ALPK1: variants seen among roughly 807,000 people sequenced by gnomAD.
ALPK1 encodes alpha kinase 1.
In ALPK1, 110 loss-of-function variants were observed where a neutral mutation model predicts 120.6. The observed-to-expected ratio is 0.91, with a 90% CI of 0.78 to 1.07. ALPK1 has a LOEUF of 1.07. Among genes scored for constraint, ALPK1 ranks in the 50% least tolerant of loss-of-function variants. The pLI is 0.00. For synonymous variants in ALPK1, 582 were observed against 560.3 expected, an observed-to-expected ratio of 1.04 and a Z score of -0.55; for missense variants, 1,498 against 1,483.9, an observed-to-expected ratio of 1.01 and a Z score of -0.16.
At chr4:112,438,420 C>T (rs1386809909) in intron 12 of ALPK1, 64 bp from the exon 13 acceptor site, 14 of 1,487,128 alleles carry the variant, frequency 9.4e-6, no homozygotes, top group Non-Finnish European at 1.2e-5. Context: ...GATCTCCTCT[C>T]TCTTACTCCA....
At chr4:112,380,101 C>T (rs557667940) in intron 3 of ALPK1, among the ~76,000 whole-genome samples, 1 of 152,298 alleles carries the variant, frequency 6.6e-6, no homozygotes, top group East Asian at 1.9e-4. Context: ...TAAACTGGGA[C>T]ACTTCTTCTG....
In ALPK1 at chr4:112,342,112, C is replaced by T. The variant is rs182735238; in HGVS notation, c.-101+26260C>T. 4.6e-3 allele frequency among the ~76,000 whole-genome samples: 698 copies of T among 152,272 alleles called. 5 individuals carry two copies. Among genetic ancestry groups the T allele is most frequent in the Non-Finnish European group, 6.3e-3 (428 of 68,020 alleles). On this transcript the variant is annotated intron_variant, in intron 2 of 15. Coordinates refer to ENST00000650871, the MANE Select transcript of ALPK1 (RefSeq NM_025144.4). Reference sequence around the variant, plus strand: ...ATAAGAATTCCTGTGTGAAAATGTACTTTAAAAATAGCACTATGAGCATTT... The same window carrying T: ...ATAAGAATTCCTGTGTGAAAATGTATTTTAAAAATAGCACTATGAGCATTT...
At chr4:112,357,784 C>A (rs1730710314) in intron 2 of ALPK1, 2 of 1,043,716 alleles carry the variant, frequency 1.9e-6, no homozygotes, top group South Asian at 1.3e-5. Context: ...GCCCTATGGG[C>A]TCCTGATCTT....
At chr4:112,298,437 C>T (rs1353468792) in intron 1 of ALPK1, among the ~76,000 whole-genome samples, 1 of 152,098 alleles carries the variant, frequency 6.6e-6, no homozygotes, top group Non-Finnish European at 1.5e-5. Flanking sequence ...ATTTACTTCT[C>T]TCTTCCCACC....
intron 6 of ALPK1, chr4:112,424,983 C>G (rs1352094798): frequency 2.0e-5 from 3 of 151,324 alleles, no homozygotes; most frequent in Admixed American, 2.0e-4. Context: ...ACAAAAAGCC[C>G]TTTCATCCAC....
chr4:112,320,336 T>C (rs1728813740), intron 2 of ALPK1, among the ~76,000 whole-genome samples: 1 of 152,236 alleles, frequency 6.6e-6, no homozygotes, highest in Admixed American at 6.5e-5. Context: ...GTTTATGTGG[T>C]GTATCACATT....
intron 2 of ALPK1, among the ~76,000 whole-genome samples, chr4:112,319,212 T>C (rs144602080): frequency 6.6e-6 from 1 of 152,182 alleles, no homozygotes; most frequent in African/African-American, 2.4e-5. Context: ...ACCATACTTA[T>C]GAGGTGAGGT....
intron 2 of ALPK1, among the ~76,000 whole-genome samples, chr4:112,341,528 T>C (rs1729862662): frequency 6.6e-6 from 1 of 152,244 alleles, no homozygotes; most frequent in South Asian, 2.1e-4. Flanking sequence ...CCATCTTTGA[T>C]CTAAAAATAT....
At chr4:112,412,745 T>A (rs1733545637) in intron 5 of ALPK1, among the ~76,000 whole-genome samples, 1 of 152,214 alleles carries the variant, frequency 6.6e-6, no homozygotes, top group East Asian at 1.9e-4. Context: ...AAGTAAAGGA[T>A]GAAAAGAGAA....
intron 5 of ALPK1, among the ~76,000 whole-genome samples, chr4:112,420,957 C>T (rs905429885): frequency 3.3e-5 from 5 of 152,024 alleles, no homozygotes; most frequent in Non-Finnish European, 5.9e-5. Flanking sequence ...CTCAGCCTCC[C>T]GAGTAGCTGA....
chr4:112,437,498 C>T (rs1734837400), intron 12 of ALPK1, among the ~76,000 whole-genome samples: 1 of 152,224 alleles, frequency 6.6e-6, no homozygotes, highest in African/African-American at 2.4e-5. Flanking sequence ...CAGGTTCACT[C>T]TCTTGTGCAC....
intron 2 of ALPK1, among the ~76,000 whole-genome samples, chr4:112,360,356 G>A (rs537935914): frequency 2.0e-5 from 3 of 152,010 alleles, no homozygotes; most frequent in East Asian, 1.9e-4. Flanking sequence ...GTTCCATATC[G>A]TGGCTATTGT....
chr4:112,346,911 T>A (rs986221053), intron 2 of ALPK1, among the ~76,000 whole-genome samples: 3 of 152,348 alleles, frequency 2.0e-5, no homozygotes, highest in African/African-American at 7.2e-5. Context: ...CACTTCTCAG[T>A]TGACTACACT....
chr4:112,351,666 G>A (rs1376932404), intron 2 of ALPK1, among the ~76,000 whole-genome samples: 1 of 152,040 alleles, frequency 6.6e-6, no homozygotes, highest in Non-Finnish European at 1.5e-5. Context: ...TAGAGATGGG[G>A]ATTTGCCATG....
Position 112,431,849 on chromosome 4 carries a change from G to T in ALPK1, c.2302G>T (p.Glu768Ter), listed in dbSNP as rs774768880. The T allele has an allele frequency of 2.5e-6, 4 of 1,614,042 alleles. No individual in the cohort carries two copies. The highest frequency in any genetic ancestry group is 3.3e-4 in the Middle Eastern group (2 of 6,062). Residue 768 changes from glutamate (E) to a stop codon, truncating the protein, a stop_gained, in exon 11 of 16, where the codon GAA becomes TAA. Coordinates refer to ENST00000650871, the MANE Select transcript of ALPK1 (RefSeq NM_025144.4). LOFTEE classifies it high-confidence loss of function. ...KDRQGKEQGE[E>*]ISERGAGPTF... ...CAGGCAGGGGAAAGAGCAGGGAGAA[G>T]AAATTAGTGAAAGAGGCGCAGGCCC...
At chr4:112,297,686 G>A (rs1727600648) in intron 1 of ALPK1, among the ~76,000 whole-genome samples, 1 of 152,068 alleles carries the variant, frequency 6.6e-6, no homozygotes, top group Non-Finnish European at 1.5e-5. Flanking sequence ...AGGGGAGGGA[G>A]AGAAGGGAAA....
At chr4:112,359,791 T>G in intron 2 of ALPK1, 1 of 430,654 alleles carries the variant, frequency 2.3e-6, no homozygotes, top group Admixed American at 2.8e-5. Context: ...CAGAGCATCA[T>G]GCAGGTCTTC....
intron 4 of ALPK1, among the ~76,000 whole-genome samples, chr4:112,411,513 C>T (rs1733458709): frequency 6.6e-6 from 1 of 152,216 alleles, no homozygotes; most frequent in Non-Finnish European, 1.5e-5. Flanking sequence ...GCGTGAGCCA[C>T]CATGCCCGGC....
At chr4:112,346,616 G>C (rs1730114209) in intron 2 of ALPK1, among the ~76,000 whole-genome samples, 1 of 152,238 alleles carries the variant, frequency 6.6e-6, no homozygotes, top group African/African-American at 2.4e-5. Flanking sequence ...ATGCCAACCA[G>C]TCATTTGGCC....
Sources: gnomAD v4.1 joint callset for allele counts (sites outside exome capture counted in the v4.1 genomes callset) on GRCh38, gnomAD v4.1.1 for gene constraint, MANE v1.5 for transcripts, NCBI Gene and HGNC (gene_info 2026-07-23, HGNC 2026-07-21) for gene names.